Variants in USP34 observed in about 807,000 individuals in gnomAD.
USP34 encodes the protein ubiquitin specific peptidase 34.
USP34 carries 70 observed loss-of-function variants against 460.3 expected under a neutral mutation model. The ratio of observed to expected loss-of-function variants is 0.15; its 90% CI spans 0.13 to 0.19. The LOEUF is 0.19. Ranked by LOEUF, USP34 falls within the 10% of genes least tolerant of loss-of-function variation. The pLI is 1.00. For missense variants in USP34, 3,985 were observed against 4,236.2 expected (o/e 0.94, Z 1.65); for synonymous variants, 1,647 against 1,405.3 (o/e 1.17, Z -3.85).
chr2:61,305,659 A>G (rs775733149), intron 27 of USP34, among the ~76,000 whole-genome samples: 36 of 152,186 alleles, frequency 2.4e-4, no homozygotes, highest in Non-Finnish European at 4.9e-4. Context: ...TAAGTTTGAT[A>G]AAAGTTATAA....
At chr2:61,368,424 T>TC (rs1343149557) in intron 10 of USP34, among the ~76,000 whole-genome samples, 1 of 149,590 alleles carries the variant, frequency 6.7e-6, no homozygotes, top group Non-Finnish European at 1.5e-5. Context: ...AGAGCAAGAC[T>TC]CCATCTCAAA....
intron 10 of USP34, among the ~76,000 whole-genome samples, chr2:61,367,799 AAG>A (rs1490930358): frequency 1.3e-5 from 2 of 152,140 alleles, no homozygotes; most frequent in Non-Finnish European, 2.9e-5. Context: ...AAAAAAGAAA[AAG>A]AGTATCATAC....
intron 44 of USP34, among the ~76,000 whole-genome samples, chr2:61,258,626 T>C (rs886999406): frequency 1.3e-4 from 20 of 151,800 alleles, no homozygotes; most frequent in South Asian, 6.3e-4. Flanking sequence ...AGGGATAAGA[T>C]AGGAGGTTGA....
chr2:61,289,926 G>C (rs1689799863), intron 33 of USP34, among the ~76,000 whole-genome samples: 1 of 152,074 alleles, frequency 6.6e-6, no homozygotes, highest in South Asian at 2.1e-4. Flanking sequence ...TCCCCTAAAA[G>C]ATGCTGTCAG....
chr2:61,261,037 G>A (rs890344309), intron 43 of USP34, among the ~76,000 whole-genome samples: 4 of 152,174 alleles, frequency 2.6e-5, no homozygotes, highest in East Asian at 3.8e-4. Flanking sequence ...TGTTAGCAAG[G>A]ACGTCGAGAA....
chr2:61,287,327 C>T (rs1196520715), intron 34 of USP34, among the ~76,000 whole-genome samples: 1 of 152,210 alleles, frequency 6.6e-6, no homozygotes, highest in Non-Finnish European at 1.5e-5. Flanking sequence ...TCCCTAAAAT[C>T]TCACCTTGAT....
intron 1 of USP34, among the ~76,000 whole-genome samples, chr2:61,434,901 C>A (rs1347808582): frequency 6.6e-6 from 1 of 151,678 alleles, no homozygotes; most frequent in African/African-American, 2.4e-5. Flanking sequence ...ATATAAAATG[C>A]CAGAAAAAGA....
Position 61,281,145 on chromosome 2 carries a change from G to C in USP34, c.5096C>G (p.Ala1699Gly), listed in dbSNP as rs777420703. 4.3e-5 allele frequency: 69 copies of C among 1,613,686 alleles called. No individual in the cohort carries two copies. The Admixed American group carries it at 1.2e-3, about 27-fold the overall frequency. Residue 1699 changes from alanine (A) to glycine (G), a missense_variant, in exon 38 of 80, where the codon GCT becomes GGT. Ala to Gly is a moderately conservative substitution (Grantham distance 60). Coordinates refer to ENST00000398571, the MANE Select transcript of USP34 (RefSeq NM_014709.4). ...DSINRSFLLL[A>G]ASTLLKFLPD... ...AAGAAATTTCAATAATGTTGAGGCA[G>C]CCAATAGCAGAAAAGAACGATTGAT...
At chr2:61,318,070 G>A (rs1690804368) in intron 22 of USP34, among the ~76,000 whole-genome samples, 2 of 151,672 alleles carry the variant, frequency 1.3e-5, no homozygotes, top group South Asian at 4.2e-4. Context: ...GTGTGTGGCT[G>A]TAGTCCCAAC....
chr2:61,253,345 G>C (rs189571779), intron 48 of USP34, among the ~76,000 whole-genome samples: 29 of 152,258 alleles, frequency 1.9e-4, no homozygotes, highest in Non-Finnish European at 3.1e-4. Context: ...GACCCTTGAT[G>C]ATCTTTTGGT....
chr2:61,281,373 A>C, intron 37 of USP34, 131 bp from the exon 38 acceptor site: 1 of 1,158,882 alleles, frequency 8.6e-7, no homozygotes, highest in Non-Finnish European at 1.2e-6. Flanking sequence ...GCACTTTTGG[A>C]GGCCCAGGCA....
chr2:61,258,261 T>C (rs1190125967), intron 44 of USP34, among the ~76,000 whole-genome samples: 6 of 152,034 alleles, frequency 3.9e-5, no homozygotes, highest in Non-Finnish European at 7.4e-5. Context: ...AGTGTCGAGG[T>C]TGCCATGAGA....
At chr2:61,310,781 T>G (rs971308010) in intron 27 of USP34, among the ~76,000 whole-genome samples, 1 of 151,956 alleles carries the variant, frequency 6.6e-6, no homozygotes, top group Admixed American at 6.6e-5. Flanking sequence ...TATTTTTATA[T>G]TCTCAGAAAA....
chr2:61,257,657 G>C (rs911046521), intron 44 of USP34, among the ~76,000 whole-genome samples: 1 of 152,146 alleles, frequency 6.6e-6, no homozygotes, highest in Non-Finnish European at 1.5e-5. Context: ...CCAGCACTTT[G>C]GGAGGCCGAA....
intron 1 of USP34, among the ~76,000 whole-genome samples, chr2:61,467,343 TCTTA>T (rs1326868942): frequency 6.6e-6 from 1 of 151,834 alleles, no homozygotes; most frequent in Admixed American, 6.6e-5. Context: ...AAAAAAGCAG[TCTTA>T]CTATGTTGCC....
At chr2:61,214,910 T>C (rs977815352) in intron 67 of USP34, among the ~76,000 whole-genome samples, 1 of 152,208 alleles carries the variant, frequency 6.6e-6, no homozygotes, top group Non-Finnish European at 1.5e-5. Flanking sequence ...CCATTGTTAT[T>C]TTTGAAGTGG....
Position 61,266,088 on chromosome 2 carries a change from T to C in USP34, c.5513A>G (p.His1838Arg), listed in dbSNP as rs1689036485. 3 of 1,614,036 alleles carry C rather than the reference T, an allele frequency of 1.9e-6. No individual in the cohort carries two copies. The highest frequency in any genetic ancestry group is 2.5e-6 in the Non-Finnish European group (3 of 1,179,890). Reference protein sequence around the residue: ...KDRQQPKCKSHSSRAAAYDLL... With the variant: ...KDRQQPKCKSRSSRAAAYDLL... ...ATCGTAAGCGGCAGCTCTTGAAGAA[T>C]GTGATTTGCACTTTGGCTGTTGTCG... Residue 1838 changes from histidine (H) to arginine (R), a missense_variant, in exon 42 of 80, where the codon CAT (histidine) becomes CGT (arginine). By Grantham distance (29) the His-to-Arg change is conservative (BLOSUM62 0). Transcript: ENST00000398571.
intron 75 of USP34, chr2:61,194,191 G>C (rs919985622): frequency 8.1e-6 from 8 of 985,230 alleles, no homozygotes; most frequent in Non-Finnish European, 9.6e-6. Context: ...CCCTTCCACA[G>C]GTAAGCCAAT....
At chr2:61,201,520 A>G (rs1350325635) in intron 75 of USP34, among the ~76,000 whole-genome samples, 1 of 152,176 alleles carries the variant, frequency 6.6e-6, no homozygotes, top group African/African-American at 2.4e-5. Context: ...GCCCTTATAG[A>G]AAGTTCTATA....
Sources: allele counts gnomAD v4.1 joint callset (sites outside exome capture counted in the v4.1 genomes callset), GRCh38; gene constraint gnomAD v4.1.1; transcripts MANE v1.5; gene names NCBI Gene and HGNC (gene_info 2026-07-23, HGNC 2026-07-21).